The following PCDHGB6 variants were observed in gnomAD, a reference collection of about 807,000 sequenced individuals.
PCDHGB6 encodes the protein protocadherin gamma subfamily B, 6.
Under a neutral mutation model 59.1 loss-of-function variants are expected in PCDHGB6, and 51 were observed. The ratio of observed to expected loss-of-function variants is 0.86; its 90% CI spans 0.69 to 1.09. PCDHGB6 has a LOEUF of 1.09. PCDHGB6 is among the 50% of genes least tolerant of loss of function. The pLI, the probability that PCDHGB6 is intolerant of heterozygous loss-of-function variation, is 0.00. For missense variants in PCDHGB6, 1,148 were observed against 1,205.1 expected, an observed-to-expected ratio of 0.95 and a Z score of 0.70; for synonymous variants, 466 against 495.1, an observed-to-expected ratio of 0.94 and a Z score of 0.78.
In PCDHGB6 at chr5:141,462,417, A is replaced by G. The variant is rs184240612; in HGVS notation, c.2419-32390A>G. 4.0e-4 allele frequency among the ~76,000 whole-genome samples: 61 copies of G among 152,300 alleles called. 1 individual carries two copies. The highest frequency in any genetic ancestry group is 3.2e-3 in the Admixed American group (49 of 15,300). ...TCTTTTATGGCACAGAATATGGTCT[A>G]TCTTGGTGAGTGTTGCTTACACACA... On this transcript the variant is annotated intron_variant, in intron 1 of 3. Transcript: ENST00000520790.
intron 1 of PCDHGB6, among the ~76,000 whole-genome samples, chr5:141,492,781 T>C (rs945023154): frequency 9.9e-5 from 15 of 152,194 alleles, no homozygotes; most frequent in African/African-American, 3.6e-4. Flanking sequence ...TGAGTGAGCC[T>C]CTATAGGACA....
chr5:141,464,640 C>T (rs1482089475), intron 1 of PCDHGB6, among the ~76,000 whole-genome samples: 2 of 151,952 alleles, frequency 1.3e-5, no homozygotes, highest in Admixed American at 6.6e-5. Context: ...TTGTTGCCAA[C>T]CTGATGGGTA....
rs764658508 is a variant in PCDHGB6 at position 141,431,546 on chromosome 5, G to A, written c.2418+20926G>A. 1.2e-6 allele frequency: 2 copies of A among 1,614,000 alleles called. No homozygotes were observed. Among genetic ancestry groups the A allele is most frequent in the Admixed American group, 3.3e-5 (2 of 60,012 alleles). On this transcript the variant is annotated intron_variant, in intron 1 of 3. Coordinates refer to ENST00000520790, the MANE Select transcript of PCDHGB6 (RefSeq NM_018926.3). This position sits in a 1 kb window ranked among gnomAD's most constrained non-coding sequence, Gnocchi z 4.8. The stretch of plus-strand genomic sequence containing the variant: ...TCTGGCCTTGGGCACGCAGCTGCTT[G>A]TAGTCAACGCTACCGACCCTGACGA...
At chr5:141,478,339 C>A in intron 1 of PCDHGB6, 1 of 1,613,918 alleles carries the variant, frequency 6.2e-7, no homozygotes, top group Admixed American at 1.7e-5. Flanking sequence ...CAGGGCCCTC[C>A]TTGCACGCGG....
At chr5:141,500,546 G>A (rs1428503967) in intron 2 of PCDHGB6, among the ~76,000 whole-genome samples, 1 of 152,126 alleles carries the variant, frequency 6.6e-6, no homozygotes, top group African/African-American at 2.4e-5. Context: ...ACCTAAATAA[G>A]TTGTTCACAA....
At chr5:141,453,201 C>A (rs115660512) in intron 1 of PCDHGB6, among the ~76,000 whole-genome samples, 1 of 152,206 alleles carries the variant, frequency 6.6e-6, no homozygotes, top group South Asian at 2.1e-4. Flanking sequence ...GCAGCCTCAA[C>A]CTCGTGCACT....
intron 1 of PCDHGB6, among the ~76,000 whole-genome samples, chr5:141,435,314 G>C (rs1490871069): frequency 6.6e-6 from 1 of 152,006 alleles, no homozygotes; most frequent in African/African-American, 2.4e-5. Flanking sequence ...AATCATTCAT[G>C]AACTTCCAAA....
intron 1 of PCDHGB6, chr5:141,426,732 C>T (rs576525011): frequency 2.7e-4 from 123 of 448,642 alleles, no homozygotes; most frequent in African/African-American, 2.2e-3. Context: ...TCCAGGCATT[C>T]GGTTTGGCCT....
In PCDHGB6 at chr5:141,414,483, A is replaced by G. The variant is rs756254490; in HGVS notation, c.2418+3863A>G. 20 of 1,613,826 alleles carry G rather than the reference A, an allele frequency of 1.2e-5. No homozygotes were observed. In the Admixed American group the frequency reaches 1.8e-4, roughly 15 times the overall value. ...CCACAGATGGGGGAAGTCCTCCTCT[A>G]TCAACGGAAGCTCACTTTATGCTAC... On this transcript the variant is annotated intron_variant, in intron 1 of 3. Transcript: ENST00000520790.
intron 1 of PCDHGB6, among the ~76,000 whole-genome samples, chr5:141,438,620 A>G (rs2098023964): frequency 1.0e-4 from 4 of 39,044 alleles, no homozygotes; most frequent in African/African-American, 8.0e-4. Flanking sequence ...ATATATATAT[A>G]TATATATATA....
At position 141,490,132 on chromosome 5, in the gene PCDHGB6, A is replaced by C. The variant is rs1245562757; in HGVS notation, c.2419-4675A>C. On this transcript the variant is annotated intron_variant, in intron 1 of 3. Coordinates refer to ENST00000520790, the MANE Select transcript of PCDHGB6 (RefSeq NM_018926.3). This position sits in a 1 kb window ranked among gnomAD's most constrained non-coding sequence, Gnocchi z 5.4. ...GCGGAACCTCTTTGGCCTAGACCCT[A>C]GCAGTGGGGCAATCCATGTGTTGGG... 6.2e-7 allele frequency: 1 copy of C among 1,614,220 alleles called. No individual in the cohort carries two copies. Among genetic ancestry groups the C allele is most frequent in the South Asian group, 1.1e-5 (1 of 91,088 alleles).
intron 1 of PCDHGB6, chr5:141,423,756 GGGGGT>G: frequency 1.1e-5 from 5 of 448,566 alleles, no homozygotes; most frequent in African/African-American, 2.8e-5. Context: ...TGTTTGGGGG[GGGGGT>G]GGGGCGGCAT....
At position 141,433,290 on chromosome 5, in the gene PCDHGB6, C is replaced by T. The variant is rs186668064; in HGVS notation, c.2418+22670C>T. ...CTCACTGCAGCCTCAAACTCCTAGG[C>T]TCAAGCAATTATCCCACCTTTGCCT... On this transcript the variant is annotated intron_variant, in intron 1 of 3. Transcript: ENST00000520790. The T allele has an allele frequency of 1.6e-3, 1,738 of 1,107,746 alleles. 60 individuals carry two copies. In the Admixed American group the frequency reaches 0.041, roughly 26 times the overall value. 68.6% of individuals were successfully genotyped at this position (1,107,746 alleles called of 1,614,324 possible). A position where few individuals can be genotyped will look rare whatever the true frequency, so the allele number is the denominator to read the frequency against.
At position 141,489,264 on chromosome 5, in the gene PCDHGB6, G is replaced by T. The variant is rs1314393358; in HGVS notation, c.2419-5543G>T. 10 of 1,553,088 alleles carry T rather than the reference G, an allele frequency of 6.4e-6. No individual in the cohort carries two copies. Among genetic ancestry groups the T allele is most frequent in the Non-Finnish European group, 7.0e-6 (8 of 1,149,620 alleles). ...TCATGGGGCCCAAGACACTCCCACA[G>T]CTCGCTGGGAAATGGCAAGTGCTGT... On this transcript the variant is annotated intron_variant, in intron 1 of 3. Transcript: ENST00000520790. The surrounding 1 kb of genome is among the most constrained non-coding windows in gnomAD (Gnocchi z 4.5).
Position 141,486,817 on chromosome 5 carries a change from T to A in PCDHGB6, c.2419-7990T>A, listed in dbSNP as rs143638501. On this transcript the variant is annotated intron_variant, in intron 1 of 3. Transcript: ENST00000520790. The surrounding 1 kb of genome is among the most constrained non-coding windows in gnomAD (Gnocchi z 5.0). ...GGGGCAACCCACCCCTTAGCAGCAC[T>A]GTAACAGTTCGTCTATTTGTGCTGG... 1 of 1,614,102 alleles carries A rather than the reference T, an allele frequency of 6.2e-7. No homozygotes were observed. Among genetic ancestry groups the A allele is most frequent in the East Asian group, 2.2e-5 (1 of 44,898 alleles).
At chr5:141,419,253 A>G in intron 1 of PCDHGB6, 4 of 1,613,990 alleles carry the variant, frequency 2.5e-6, no homozygotes, top group South Asian at 1.1e-5. Flanking sequence ...CCAGAAAACA[A>G]CCAGCCGGGT....
intron 1 of PCDHGB6, among the ~76,000 whole-genome samples, chr5:141,450,750 G>C (rs778218781): frequency 1.1e-4 from 16 of 152,002 alleles, no homozygotes; most frequent in Admixed American, 2.0e-4. Context: ...GCCTCCCAAA[G>C]TGCCGGGATT....
intron 1 of PCDHGB6, chr5:141,478,104 CTG>C: frequency 6.2e-7 from 1 of 1,614,118 alleles, no homozygotes; most frequent in Middle Eastern, 1.6e-4. Context: ...GCTACCCTCA[CTG>C]TGTCAGTAAC....
intron 1 of PCDHGB6, among the ~76,000 whole-genome samples, chr5:141,458,201 T>C (rs973995736): frequency 6.6e-6 from 1 of 152,168 alleles, no homozygotes; most frequent in African/African-American, 2.4e-5. Context: ...AGGCCATAAA[T>C]AGTTTAAAAT....
Sources: gnomAD v4.1 joint callset for allele counts (sites outside exome capture counted in the v4.1 genomes callset) on GRCh38, gnomAD v4.1.1 for gene constraint, Gnocchi (gnomAD v3.1) non-coding constraint, MANE v1.5 for transcripts, NCBI Gene and HGNC (gene_info 2026-07-23, HGNC 2026-07-21) for gene names.